The following FANCG variants were observed in gnomAD, a reference collection of about 807,000 sequenced individuals.
FANCG encodes Fanconi anemia group G protein.
In FANCG, 67 loss-of-function variants were observed where a neutral mutation model predicts 73.3. That is an observed-to-expected ratio of 0.91 (90% confidence interval 0.75 to 1.12). The LOEUF (loss-of-function observed/expected upper bound fraction) is 1.12, where lower values mean the gene tolerates loss of function less well. FANCG is among the 50% of genes most tolerant of loss of function. FANCG has a pLI of 0.00. For synonymous variants in FANCG, 297 were observed against 311.6 expected (o/e 0.95, Z 0.49); for missense variants, 643 against 735.6 (o/e 0.87, Z 1.46).
chr9:35,074,038 A>G lies in FANCG; in HGVS notation c.*70T>C, dbSNP rs1829028497. The G allele has an allele frequency of 9.2e-7, 1 of 1,091,586 alleles. No homozygotes were observed. The allele number at this position is 1,091,586 out of a possible 1,614,324, so 67.6% of individuals were successfully genotyped here. On this transcript the variant is annotated 3_prime_UTR_variant, in exon 14 of 14. Transcript: ENST00000378643. Reference sequence around the variant, plus strand: ...AATGGTCACATTCCTAATGATGGTGAAGCAGAAAGCCCTCCCCACAGAGAG... The same window carrying G: ...AATGGTCACATTCCTAATGATGGTGGAGCAGAAAGCCCTCCCCACAGAGAG...
rs1829086890 is a variant in FANCG, at chr9:35,076,536, C to T, written c.972G>A (p.Glu324=). The change falls in exon 8 of 14, where the codon GAG becomes GAA. Residue 324 remains glutamate (E), a synonymous_variant. Transcript: ENST00000378643. The stretch of plus-strand genomic sequence containing the variant: ...CAGGTGGTGGCAGTAGTAATTCTAC[C>T]TCAATGAGAAACTGCGGGGCTTTGG... The part of the protein sequence containing the change: ...CSSKAPQFLI[E]VELLLPPPDL... 2 of 1,614,158 alleles carry T rather than the reference C, an allele frequency of 1.2e-6. No homozygotes were observed. Among genetic ancestry groups the T allele is most frequent in the Non-Finnish European group, 1.7e-6 (2 of 1,180,024 alleles).
Position 35,078,261 on chromosome 9 carries a change from G to A in FANCG, c.390C>T (p.Cys130=), listed in dbSNP as rs1489760268. 2.5e-6 allele frequency: 4 copies of A among 1,614,018 alleles called. No individual in the cohort carries two copies. The African/African-American group carries it at 5.3e-5, about 22-fold the overall frequency. The change falls in exon 4 of 14, where the codon TGC becomes TGT. Residue 130 remains cysteine, a synonymous_variant. Transcript: ENST00000378643. ...ELWDSVLRAS[C]LLPELLSALH... is the part of the protein sequence containing the mutation. ...GGGCAGACAGCAGCTCCGGCAGAAGGCAGGAAGCACGAAGGACAGAGTCCC... is the reference window on the plus strand; with the variant it reads ...GGGCAGACAGCAGCTCCGGCAGAAGACAGGAAGCACGAAGGACAGAGTCCC...
Position 35,078,275 on chromosome 9 carries a change from G to GGAC in FANCG, c.373_375dup (p.Val125dup), listed in dbSNP as rs750843326. 8.6e-5 allele frequency: 139 copies of GGAC among 1,614,096 alleles called. No homozygotes were observed. In the East Asian group the frequency reaches 2.9e-3, roughly 34 times the overall value. On this transcript the variant is annotated inframe_insertion, in exon 4 of 14. Transcript: ENST00000378643. Reference sequence around the variant, plus strand: ...TCCGGCAGAAGGCAGGAAGCACGAAGGACAGAGTCCCACAGCTCCCTGAGC... The same window carrying GGAC: ...TCCGGCAGAAGGCAGGAAGCACGAAGGACGACAGAGTCCCACAGCTCCCTGAGC...
chr9:35,079,595 A>C lies in FANCG; in HGVS notation c.-71T>G. ...GTGAAGCTGGCCTGCCCAAGCTCCCAACCCCAGCGGGGAGGGGCCTGGGCA... is the reference window on the plus strand; with the variant it reads ...GTGAAGCTGGCCTGCCCAAGCTCCCCACCCCAGCGGGGAGGGGCCTGGGCA... On this transcript the variant is annotated 5_prime_UTR_variant, in exon 1 of 14. Coordinates refer to ENST00000378643, the MANE Select transcript of FANCG (RefSeq NM_004629.2). 6.6e-7 allele frequency: 1 copy of C among 1,517,444 alleles called. No homozygotes were observed. The highest frequency in any genetic ancestry group is 2.3e-5 in the East Asian group (1 of 44,360). 94.0% of individuals were successfully genotyped at this position (1,517,444 alleles called of 1,614,324 possible).
intron 12 of FANCG, 122 bp from the exon 13 acceptor site, chr9:35,074,616 C>A: frequency 7.5e-7 from 1 of 1,324,564 alleles, no homozygotes; most frequent in East Asian, 2.4e-5. Flanking sequence ...CATATGGAAG[C>A]GGGGGCAGAT....
intron 12 of FANCG, 127 bp from the exon 13 acceptor site, chr9:35,074,621 G>T: frequency 3.1e-6 from 4 of 1,291,052 alleles, no homozygotes; most frequent in Non-Finnish European, 4.4e-6. Context: ...GGAAGCGGGG[G>T]CAGATCATTC....
At position 35,078,674 on chromosome 9, in the gene FANCG, G is replaced by A. The variant is rs115131067; in HGVS notation, c.238C>T (p.Leu80=). The part of the protein sequence containing the change: ...ELTVTCNFII[L]RASLAQGFTE... ...AAACCCTGGGCCAAGCTTGCCCTCA[G>A]GATAATGAAGTTGCAGGTGACAGTC... The change falls in exon 3 of 14, where the codon CTG becomes TTG. Residue 80 remains leucine (L), a synonymous_variant. Transcript: ENST00000378643. The A allele has an allele frequency of 5.6e-4, 911 of 1,614,148 alleles. 3 individuals are homozygous for A. In the African/African-American group the frequency reaches 0.011, roughly 20 times the overall value.
Position 35,076,733 on chromosome 9 carries a change from C to T in FANCG, c.915G>A (p.Leu305=), listed in dbSNP as rs763736360. The change falls in exon 7 of 14, where the codon CTG becomes CTA. Residue 305 remains leucine (L), a synonymous_variant. Transcript: ENST00000378643. ...CCTGGCAGTTCCCTACCTCAACTAG[C>T]AGCTCCAGACTCTCCAGCTCTGCTG... The part of the protein sequence containing the change: ...DTTAELESLE[L]LVEALNVPCS... 1 of 1,614,242 alleles carries T rather than the reference C, an allele frequency of 6.2e-7. No individual in the cohort carries two copies. Among genetic ancestry groups the T allele is most frequent in the South Asian group, 1.1e-5 (1 of 91,086 alleles).
At chr9:35,077,162 C>T (rs1829100848) in intron 5 of FANCG, 61 bp from the exon 6 acceptor site, 2 of 1,613,982 alleles carry the variant, frequency 1.2e-6, no homozygotes, top group Admixed American at 1.7e-5. Context: ...TGATGGGGAA[C>T]AAGGGTCTAA....
At position 35,078,750 on chromosome 9, in the gene FANCG, G is replaced by A. The variant is rs1829131097; in HGVS notation, c.176-14C>T. On this transcript the variant is annotated splice_polypyrimidine_tract_variant and intron_variant, in intron 2 of 13. Coordinates refer to ENST00000378643, the MANE Select transcript of FANCG (RefSeq NM_004629.2). ...CTGCAGGGAGCCCTGGAGCAACAAT[G>A]TTGGTCTTACAGACTGCTCCCCCAT... 4 of 1,614,102 alleles carry A rather than the reference G, an allele frequency of 2.5e-6. No homozygotes were observed. The highest frequency in any genetic ancestry group is 2.5e-6 in the Non-Finnish European group (3 of 1,180,034).
rs546450487 is a variant in FANCG at position 35,073,927 on chromosome 9, T to C, written c.*181A>G. The C allele has an allele frequency of 8.9e-5, 60 of 673,296 alleles. 1 individual carries two copies. Among genetic ancestry groups the C allele is most frequent in the African/African-American group, 6.4e-4 (36 of 56,144 alleles). 41.7% of individuals were successfully genotyped at this position (673,296 alleles called of 1,614,324 possible). A position where few individuals can be genotyped will look rare whatever the true frequency, so the allele number is the denominator to read the frequency against. On this transcript the variant is annotated 3_prime_UTR_variant, in exon 14 of 14. Coordinates refer to ENST00000378643, the MANE Select transcript of FANCG (RefSeq NM_004629.2). Reference sequence around the variant, plus strand: ...GTCAATGACTTGGTGGTGGCAGAGATTGTTTCCTCCAAAACGAGAATGGTA... The same window carrying C: ...GTCAATGACTTGGTGGTGGCAGAGACTGTTTCCTCCAAAACGAGAATGGTA...
Position 35,078,262 on chromosome 9 carries a change from C to A in FANCG, c.389G>T (p.Cys130Phe), listed in dbSNP as rs754593528. 1 of 1,614,146 alleles carries A rather than the reference C, an allele frequency of 6.2e-7. No homozygotes were observed. Among genetic ancestry groups the A allele is most frequent in the Non-Finnish European group, 8.5e-7 (1 of 1,180,034 alleles). ...GGCAGACAGCAGCTCCGGCAGAAGGCAGGAAGCACGAAGGACAGAGTCCCA... is the reference window on the plus strand; with the variant it reads ...GGCAGACAGCAGCTCCGGCAGAAGGAAGGAAGCACGAAGGACAGAGTCCCA... ...ELWDSVLRAS[C>F]LLPELLSALH... Residue 130 changes from cysteine (C) to phenylalanine (F), a missense_variant, in exon 4 of 14, where the codon TGC becomes TTC. By Grantham distance (205) the Cys-to-Phe change is radical. Coordinates refer to ENST00000378643, the MANE Select transcript of FANCG (RefSeq NM_004629.2).
chr9:35,079,666 C>T lies in FANCG; in HGVS notation c.-142G>A. The T allele has an allele frequency of 3.7e-6, 3 of 801,102 alleles. No individual in the cohort carries two copies. Among genetic ancestry groups the T allele is most frequent in the Non-Finnish European group, 6.3e-6 (3 of 474,776 alleles). 49.6% of individuals were successfully genotyped at this position (801,102 alleles called of 1,614,324 possible). The stretch of plus-strand genomic sequence containing the variant: ...CCCCTGCTTCTCTCGGGGTCCCAAT[C>T]CACCCGCCCAGGCTTTCCAGGACAG... On this transcript the variant is annotated 5_prime_UTR_variant, in exon 1 of 14. Coordinates refer to ENST00000378643, the MANE Select transcript of FANCG (RefSeq NM_004629.2).
chr9:35,075,115 T>C (rs1829058213), intron 11 of FANCG, 33 bp from the exon 12 acceptor site: 1 of 1,613,080 alleles, frequency 6.2e-7, no homozygotes. Flanking sequence ...AGAAGTGTCT[T>C]CCCAGCCTCA....
chr9:35,079,711 C>G lies in FANCG; in HGVS notation c.-187G>C. ...GGACAGATGGGACGCTCTCTCCCCG[C>G]GGCCCGCCGGGCTCTCAACCTCGCC... On this transcript the variant is annotated 5_prime_UTR_variant, in exon 1 of 14. Transcript: ENST00000378643. The G allele has an allele frequency of 3.1e-6, 2 of 638,232 alleles. No homozygotes were observed. The highest frequency in any genetic ancestry group is 3.5e-5 in the South Asian group (2 of 57,052). 39.5% of individuals were successfully genotyped at this position (638,232 alleles called of 1,614,324 possible). A position where few individuals can be genotyped will look rare whatever the true frequency, so the allele number is the denominator to read the frequency against.
chr9:35,079,118 G>T, intron 2 of FANCG, 33 bp downstream of exon 2: 1 of 1,549,558 alleles, frequency 6.5e-7, no homozygotes, highest in Non-Finnish European at 8.8e-7. Context: ...TATGGAAGAG[G>T]GGAACTGACC....
chr9:35,078,192 A>G lies in FANCG; in HGVS notation c.459T>C (p.Ala153=). The stretch of plus-strand genomic sequence containing the variant: ...ACAAGGCCAGGTCCCCAAGACGGTC[A>G]GCACTCAACCAGAGGGCAGCCTGCA... The part of the protein sequence containing the change: ...VGLQAALWLS[A]DRLGDLALLL... The change falls in exon 4 of 14, where the codon GCT becomes GCC. Residue 153 remains alanine, a synonymous_variant. Coordinates refer to ENST00000378643, the MANE Select transcript of FANCG (RefSeq NM_004629.2). 6.2e-7 allele frequency: 1 copy of G among 1,614,226 alleles called. No homozygotes were observed. The highest frequency in any genetic ancestry group is 8.5e-7 in the Non-Finnish European group (1 of 1,180,044).
In FANCG at chr9:35,078,695, C is replaced by T. The variant is rs780130340; in HGVS notation, c.217G>A (p.Val73Ile). ...AVPVLPLELT[V>I]TCNFIILRAS... The stretch of plus-strand genomic sequence containing the variant: ...CTCAGGATAATGAAGTTGCAGGTGA[C>T]AGTCAGCTCCAAGGGAAGAACAGGA... The change falls in exon 3 of 14, where the codon GTC becomes ATC. Residue 73 changes from valine (V) to isoleucine (I), a missense_variant. By Grantham distance (29) the Val-to-Ile change is conservative. Coordinates refer to ENST00000378643, the MANE Select transcript of FANCG (RefSeq NM_004629.2). 1.9e-6 allele frequency: 3 copies of T among 1,614,150 alleles called. No homozygotes were observed. In the Admixed American group the frequency reaches 5.0e-5, roughly 27 times the overall value.
In FANCG at chr9:35,074,101, G is replaced by A. The variant is rs770455405; in HGVS notation, c.*7C>T. On this transcript the variant is annotated 3_prime_UTR_variant, in exon 14 of 14. Transcript: ENST00000378643. ...GGACCCAGCTCAAGCTCTTCAAAAC[G>A]TGGCAGCTACAGGTCACAAGACTTT... The A allele has an allele frequency of 1.1e-5, 18 of 1,611,034 alleles. No homozygotes were observed. Among genetic ancestry groups the A allele is most frequent in the East Asian group, 4.5e-5 (2 of 44,868 alleles).
Sources: gnomAD v4.1 joint callset for allele counts on GRCh38, gnomAD v4.1.1 for gene constraint, MANE v1.5 for transcripts, NCBI Gene and HGNC (gene_info 2026-07-23, HGNC 2026-07-21) for gene names.